Variants in WDFY4 observed in about 807,000 individuals in gnomAD.
WDFY4 encodes the protein WDFY family member 4, also known as WD repeat- and FYVE domain-containing protein 4.
WDFY4 carries 169 observed loss-of-function variants against 351.9 expected under a neutral mutation model. The observed-to-expected ratio is 0.48, with a 90% CI of 0.42 to 0.55. The LOEUF (loss-of-function observed/expected upper bound fraction) is 0.55, where lower values mean the gene tolerates loss of function less well. Ranked by LOEUF, WDFY4 falls within the 20% of genes least tolerant of loss-of-function variation. WDFY4 has a pLI of 0.00. For missense variants in WDFY4, 3,803 were observed against 3,935.6 expected, an observed-to-expected ratio of 0.97 and a Z score of 0.90; for synonymous variants, 1,622 against 1,574.6, an observed-to-expected ratio of 1.03 and a Z score of -0.71.
chr10:48,707,043 A>G (rs970453430), intron 1 of WDFY4, among the ~76,000 whole-genome samples: 1 of 152,220 alleles, frequency 6.6e-6, no homozygotes, highest in Non-Finnish European at 1.5e-5. Flanking sequence ...CTAACAAAGG[A>G]CCAGCTTCTA....
At chr10:48,688,077 C>G (rs2063101748) in intron 1 of WDFY4, among the ~76,000 whole-genome samples, 1 of 152,180 alleles carries the variant, frequency 6.6e-6, no homozygotes, top group Non-Finnish European at 1.5e-5. Flanking sequence ...GCCACCACAC[C>G]CGGCCTAATA....
At chr10:48,761,218 C>T (rs943424203) in intron 13 of WDFY4, among the ~76,000 whole-genome samples, 5 of 152,092 alleles carry the variant, frequency 3.3e-5, no homozygotes, top group Admixed American at 6.5e-5. Context: ...GGAGCAAGGG[C>T]TCCCTGGTCA....
At position 48,778,685 on chromosome 10, in the gene WDFY4, G is replaced by T. The variant is rs1256786724; in HGVS notation, c.3250G>T (p.Ala1084Ser). The change falls in exon 18 of 62, where the codon GCC (alanine) becomes TCC (serine). Residue 1084 changes from alanine (A) to serine (S), a missense_variant. Physicochemically the swap from Ala to Ser is moderately conservative, Grantham distance 99. This residue lies in a region of WDFY4 where 3,054 missense variants were observed against 3,148.6 expected (regional missense o/e 0.97). Transcript: ENST00000325239. ...GTTCCTGATCAGCCGGCATGGAGCT[G>T]CCACTGAGGGCCACCCGCTGCGCTT... ...CWFLISRHGA[A>S]TEGHPLRFLT... The T allele has an allele frequency of 6.4e-7, 1 of 1,551,516 alleles. No homozygotes were observed. Among genetic ancestry groups the T allele is most frequent in the Non-Finnish European group, 8.7e-7 (1 of 1,147,026 alleles).
chr10:48,814,100 C>A lies in WDFY4; in HGVS notation c.5340+18C>A. ...TGAGCCAGGTGAGACCCATTCCCCA[C>A]ATGCTGCCCCGAGGAGGTTCTGATG... On this transcript the variant is annotated intron_variant, in intron 31 of 61. Transcript: ENST00000325239. The A allele has an allele frequency of 6.5e-7, 1 of 1,527,384 alleles. No homozygotes were observed. Among genetic ancestry groups the A allele is most frequent in the Non-Finnish European group, 8.8e-7 (1 of 1,133,412 alleles). 94.6% of individuals were successfully genotyped at this position (1,527,384 alleles called of 1,614,324 possible). A position where few individuals can be genotyped will look rare whatever the true frequency, so the allele number is the denominator to read the frequency against.
chr10:48,847,913 A>G (rs1033238708), intron 39 of WDFY4, among the ~76,000 whole-genome samples: 3 of 152,326 alleles, frequency 2.0e-5, no homozygotes, highest in South Asian at 4.1e-4. Flanking sequence ...GATGAATTGC[A>G]CTGTGGTGGT....
chr10:48,979,862 T>C (rs1361123524), intron 60 of WDFY4: 1 of 152,198 alleles, frequency 6.6e-6, no homozygotes, highest in East Asian at 1.9e-4. Flanking sequence ...TGGTCTTCTG[T>C]CAAATGGGGA....
chr10:48,838,232 T>C (rs929629265), intron 39 of WDFY4, among the ~76,000 whole-genome samples: 1 of 152,026 alleles, frequency 6.6e-6, no homozygotes, highest in Admixed American at 6.6e-5. Flanking sequence ...GAAGTTTGCC[T>C]CACACCTTTC....
chr10:48,818,398 G>A (rs1274035311), intron 32 of WDFY4, among the ~76,000 whole-genome samples: 2 of 152,258 alleles, frequency 1.3e-5, no homozygotes, highest in Admixed American at 6.5e-5. Flanking sequence ...TACCCATGGC[G>A]GCAGCCTCCA....
intron 24 of WDFY4, among the ~76,000 whole-genome samples, chr10:48,797,677 T>C (rs1003237899): frequency 6.6e-6 from 1 of 152,218 alleles, no homozygotes; most frequent in Non-Finnish European, 1.5e-5. Flanking sequence ...CATTTCTCTA[T>C]TGCCAAATTT....
chr10:48,945,824 G>T (rs892264300), intron 49 of WDFY4, among the ~76,000 whole-genome samples: 5 of 152,214 alleles, frequency 3.3e-5, no homozygotes, highest in Non-Finnish European at 7.3e-5. Flanking sequence ...TGTGAACTCA[G>T]TCTTCCCCTC....
chr10:48,787,842 C>CTTCTTCTTCT (rs1290535093), intron 20 of WDFY4, among the ~76,000 whole-genome samples: 1 of 140,212 alleles, frequency 7.1e-6, no homozygotes, highest in African/African-American at 3.1e-5. Flanking sequence ...TCTTCTTCTT[C>CTTCTTCTTCT]TTCTTCTTCT....
chr10:48,968,867 G>A (rs1842207559), intron 55 of WDFY4, 197 bp from the exon 56 acceptor site: 2 of 595,626 alleles, frequency 3.4e-6, no homozygotes, highest in Admixed American at 3.0e-5. Context: ...GCTACAGTGG[G>A]TGCTGTCCTT....
At chr10:48,848,850 G>A (rs371747323) in intron 39 of WDFY4, among the ~76,000 whole-genome samples, 5 of 152,216 alleles carry the variant, frequency 3.3e-5, no homozygotes, top group Non-Finnish European at 5.9e-5. Context: ...CAGAGTGCTC[G>A]CACAGGTGTG....
chr10:48,719,319 C>A (rs1208806418), intron 2 of WDFY4, among the ~76,000 whole-genome samples: 1 of 152,164 alleles, frequency 6.6e-6, no homozygotes, highest in African/African-American at 2.4e-5. Flanking sequence ...CCCTAGGAAT[C>A]AAAAGGCTGC....
At chr10:48,811,753 A>G in intron 30 of WDFY4, 45 bp downstream of exon 30, 2 of 1,538,046 alleles carry the variant, frequency 1.3e-6, no homozygotes, top group Middle Eastern at 1.7e-4. Context: ...TGGTTTTCTG[A>G]TTCCACATGA....
intron 47 of WDFY4, among the ~76,000 whole-genome samples, chr10:48,912,474 G>T (rs1005375612): frequency 6.6e-6 from 1 of 152,156 alleles, no homozygotes; most frequent in African/African-American, 2.4e-5. Flanking sequence ...TTTTCTCTTT[G>T]CCAGGCCAGC....
At chr10:48,688,916 C>T (rs1167862303) in intron 1 of WDFY4, among the ~76,000 whole-genome samples, 1 of 152,152 alleles carries the variant, frequency 6.6e-6, no homozygotes, top group Non-Finnish European at 1.5e-5. Context: ...ACTGAGCTGG[C>T]TTGAGGGCAG....
chr10:48,892,560 C>G lies in WDFY4; in HGVS notation c.7316+1833C>G, dbSNP rs78923852. 6.5e-3 allele frequency among the ~76,000 whole-genome samples: 993 copies of G among 152,344 alleles called. 15 individuals carry two copies. The highest frequency in any genetic ancestry group is 0.023 in the African/African-American group (946 of 41,584). On this transcript the variant is annotated intron_variant, in intron 44 of 61. Coordinates refer to ENST00000325239, the MANE Select transcript of WDFY4 (RefSeq NM_001394531.1). The stretch of plus-strand genomic sequence containing the variant: ...TCTCATCTGGTGCCCTAAGAAACTA[C>G]TAGCATTCCTGGAGATGCAGTTCTG...
chr10:48,833,288 C>A (rs533821968), intron 39 of WDFY4, among the ~76,000 whole-genome samples: 1 of 151,708 alleles, frequency 6.6e-6, no homozygotes, highest in Non-Finnish European at 1.5e-5. Flanking sequence ...CAGTTGGGAT[C>A]GTTGGAAGGC....
Sources: gnomAD v4.1 joint callset for allele counts (sites outside exome capture counted in the v4.1 genomes callset) on GRCh38, gnomAD v4.1.1 for gene constraint, gnomAD v4.1.1 regional missense constraint, MANE v1.5 for transcripts, NCBI Gene and HGNC (gene_info 2026-07-23, HGNC 2026-07-21) for gene names.